AGBL4: variants seen among roughly 807,000 people sequenced by gnomAD.
AGBL4 encodes the protein cytosolic carboxypeptidase 6.
AGBL4 carries 58 observed loss-of-function variants against 66.4 expected under a neutral mutation model. That is an observed-to-expected ratio of 0.87 (90% CI 0.71 to 1.09). The LOEUF is 1.09. Among genes scored for constraint, AGBL4 ranks in the 50% least tolerant of loss-of-function variants. AGBL4 has a pLI of 0.00. For missense variants in AGBL4, 579 were observed against 631.0 expected, an observed-to-expected ratio of 0.92 and a Z score of 0.88; for synonymous variants, 234 against 222.9, an observed-to-expected ratio of 1.05 and a Z score of -0.44.
intron 1 of AGBL4, among the ~76,000 whole-genome samples, chr1:49,894,255 T>G (rs572104122): frequency 1.3e-5 from 2 of 152,086 alleles, no homozygotes; most frequent in East Asian, 3.9e-4. Flanking sequence ...AAAGGACAGA[T>G]AGAATAAGCC....
chr1:49,161,667 A>G (rs1646543921), intron 4 of AGBL4, among the ~76,000 whole-genome samples: 1 of 152,004 alleles, frequency 6.6e-6, no homozygotes. Flanking sequence ...GGCCTTTGTG[A>G]TTGGCTGTTC....
At chr1:49,872,392 A>T (rs1475625395) in intron 1 of AGBL4, among the ~76,000 whole-genome samples, 1 of 152,110 alleles carries the variant, frequency 6.6e-6, no homozygotes, top group Admixed American at 6.6e-5. Flanking sequence ...GACTGGAATG[A>T]CATATTTTCA....
chr1:48,839,654 T>C (rs72681089), intron 6 of AGBL4, among the ~76,000 whole-genome samples: 4,527 of 152,110 alleles, frequency 0.03, 90 homozygotes, highest in Non-Finnish European at 0.049. Flanking sequence ...AATTAGGAGG[T>C]TGGTTGAAGG....
intron 3 of AGBL4, among the ~76,000 whole-genome samples, chr1:49,646,647 C>T (rs1399335445): frequency 6.6e-6 from 1 of 151,884 alleles, no homozygotes; most frequent in Non-Finnish European, 1.5e-5. Flanking sequence ...AATAATATCT[C>T]AACAAGGTTT....
intron 2 of AGBL4, among the ~76,000 whole-genome samples, chr1:49,728,116 A>C (rs978938801): frequency 6.6e-6 from 1 of 152,196 alleles, no homozygotes; most frequent in Non-Finnish European, 1.5e-5. Flanking sequence ...CCTATATATT[A>C]AAGTACTCCT....
chr1:48,803,439 T>G (rs544543630), intron 6 of AGBL4, among the ~76,000 whole-genome samples: 1 of 152,248 alleles, frequency 6.6e-6, no homozygotes, highest in Non-Finnish European at 1.5e-5. Context: ...GGAGTTCTCT[T>G]TTGCATTTGT....
At chr1:49,401,341 T>C (rs1056142478) in intron 3 of AGBL4, among the ~76,000 whole-genome samples, 2 of 152,168 alleles carry the variant, frequency 1.3e-5, no homozygotes, top group African/African-American at 4.8e-5. Flanking sequence ...CCTGGTCTCA[T>C]CCTTAACACA....
chr1:49,016,498 G>A (rs183200319), intron 5 of AGBL4, among the ~76,000 whole-genome samples: 26 of 152,296 alleles, frequency 1.7e-4, no homozygotes, highest in Non-Finnish European at 3.1e-4. Flanking sequence ...TCACTTGAGA[G>A]TGCCGGAGTT....
chr1:48,935,697 C>T (rs137937177), intron 5 of AGBL4, among the ~76,000 whole-genome samples: 1,645 of 149,408 alleles, frequency 0.011, 31 homozygotes, highest in African/African-American at 0.035. Flanking sequence ...GTGGCTCACA[C>T]CTGTAATCTC....
intron 4 of AGBL4, among the ~76,000 whole-genome samples, chr1:49,099,529 T>G (rs1245037814): frequency 1.3e-5 from 2 of 152,222 alleles, no homozygotes. Context: ...TCCTCTGTGC[T>G]AAGCATTGTG....
chr1:49,992,826 T>G (rs1660066753), intron 1 of AGBL4, among the ~76,000 whole-genome samples: 1 of 152,122 alleles, frequency 6.6e-6, no homozygotes, highest in African/African-American at 2.4e-5. Flanking sequence ...TCCTATAAAC[T>G]CTCCCCAATG....
intron 1 of AGBL4, among the ~76,000 whole-genome samples, chr1:49,946,254 TA>T (rs1449647031): frequency 6.6e-6 from 1 of 151,942 alleles, no homozygotes; most frequent in Non-Finnish European, 1.5e-5. Context: ...CTGCACAATA[TA>T]GATTCTATTC....
rs976955144 is a variant in AGBL4 at position 49,486,715 on chromosome 1, C to T, written c.282+210598G>A. 8.5e-5 allele frequency among the ~76,000 whole-genome samples: 13 copies of T among 152,090 alleles called. No individual in the cohort carries two copies. The South Asian group carries it at 1.2e-3, about 15-fold the overall frequency. ...CATTGTCCCATCTCTAGAAAAACGTCGGCGTAAGTAATCATTCCTCACATG... is the reference window on the plus strand; with the variant it reads ...CATTGTCCCATCTCTAGAAAAACGTTGGCGTAAGTAATCATTCCTCACATG... On this transcript the variant is annotated intron_variant, in intron 3 of 13. Coordinates refer to ENST00000371839, the MANE Select transcript of AGBL4 (RefSeq NM_032785.4).
intron 3 of AGBL4, among the ~76,000 whole-genome samples, chr1:49,654,641 C>A (rs559448967): frequency 6.6e-6 from 1 of 152,266 alleles, no homozygotes; most frequent in African/African-American, 2.4e-5. Context: ...GGATAGTTAG[C>A]TCTTCTTGTT....
At chr1:49,295,248 A>G (rs1644619564) in intron 3 of AGBL4, among the ~76,000 whole-genome samples, 1 of 152,124 alleles carries the variant, frequency 6.6e-6, no homozygotes. Context: ...ACTCTCCAGG[A>G]CCTCACAGTA....
At chr1:49,809,951 T>C (rs957280174) in intron 2 of AGBL4, among the ~76,000 whole-genome samples, 1 of 152,216 alleles carries the variant, frequency 6.6e-6, no homozygotes, top group Non-Finnish European at 1.5e-5. Context: ...CAATAATACC[T>C]TCCCACCCCA....
At chr1:49,510,852 A>G (rs1418236337) in intron 3 of AGBL4, among the ~76,000 whole-genome samples, 1 of 149,758 alleles carries the variant, frequency 6.7e-6, no homozygotes, top group South Asian at 2.1e-4. Flanking sequence ...TCCTTTCCCC[A>G]TTGCTTGTTT....
At chr1:49,752,383 T>C (rs1451802201) in intron 2 of AGBL4, among the ~76,000 whole-genome samples, 2 of 152,168 alleles carry the variant, frequency 1.3e-5, no homozygotes, top group Non-Finnish European at 2.9e-5. Flanking sequence ...AGTTGTGCGG[T>C]TTTGAGTGAG....
At chr1:49,654,787 T>C (rs926664333) in intron 3 of AGBL4, among the ~76,000 whole-genome samples, 1 of 152,200 alleles carries the variant, frequency 6.6e-6, no homozygotes, top group African/African-American at 2.4e-5. Flanking sequence ...TAGATCTTCC[T>C]CCATCCCTTT....
Sources: allele counts gnomAD v4.1 joint callset (sites outside exome capture counted in the v4.1 genomes callset), GRCh38; gene constraint gnomAD v4.1.1; transcripts MANE v1.5; gene names NCBI Gene and HGNC (gene_info 2026-07-23, HGNC 2026-07-21).